Variants in CX3CR1 observed in about 807,000 individuals in gnomAD.
CX3CR1 encodes the protein CX3C chemokine receptor 1.
For synonymous variants in CX3CR1, 168 were observed against 178.5 expected (o/e 0.94, Z 0.47); for missense variants, 363 against 432.4 (o/e 0.84, Z 1.42).
At chr3:39,273,303 T>C (rs2040801813) in intron 1 of CX3CR1, among the ~76,000 whole-genome samples, 1 of 152,196 alleles carries the variant, frequency 6.6e-6, no homozygotes, top group African/African-American at 2.4e-5. Flanking sequence ...TATTTGCTCC[T>C]CTAGCCACCA....
chr3:39,280,483 C>T, upstream of CX3CR1: 2 of 983,202 alleles, frequency 2.0e-6, no homozygotes, highest in Admixed American at 6.1e-5. Context: ...GCACCTCAAG[C>T]CCTGCCCTAT....
At position 39,280,005 on chromosome 3, in the gene CX3CR1, C is replaced by T. The variant is rs892510915; in HGVS notation, c.-61G>A. The T allele has an allele frequency of 1.9e-5, 19 of 985,450 alleles. No homozygotes were observed. In the African/African-American group the frequency reaches 3.1e-4, roughly 16 times the overall value. The allele number at this position is 985,450 out of a possible 1,614,324, so 61.0% of individuals were successfully genotyped here. On this transcript the variant is annotated 5_prime_UTR_variant, in exon 1 of 2. Transcript: ENST00000399220. ...TGGATCTGCCAGTCAGCCACCCTGT[C>T]CTGCTCAGACTTTACCAGAGACGAG...
At chr3:39,289,758 A>G in the CX3CR1 span, among the ~76,000 whole-genome samples, 1 of 152,166 alleles carries the variant, frequency 6.6e-6, no homozygotes, top group African/African-American at 2.4e-5. Flanking sequence ...AGGTTATAAG[A>G]GTGGGACCCT....
At chr3:39,276,077 G>T (rs1342229744) in intron 1 of CX3CR1, among the ~76,000 whole-genome samples, 3 of 152,190 alleles carry the variant, frequency 2.0e-5, no homozygotes, top group Non-Finnish European at 4.4e-5. Context: ...TGGGGCCAAG[G>T]CCAGGCAGAG....
intron 1 of CX3CR1, among the ~76,000 whole-genome samples, chr3:39,272,261 A>C (rs2040786595): frequency 1.3e-5 from 2 of 152,230 alleles, no homozygotes; most frequent in East Asian, 3.8e-4. Flanking sequence ...CTATTCAGTT[A>C]AGCCAAGGTT....
rs201179424 is a variant in CX3CR1, at chr3:39,265,634, G to C, written c.876C>G (p.Ile292Met). ...AFSHCCLNPL[I>M]YAFAGEKFRR... ...TGAACTTCTCCCCAGCAAATGCATA[G>C]ATGAGAGGATTCAGGCAACAATGGC... The change falls in exon 2 of 2, where the codon ATC (isoleucine) becomes ATG (methionine). Residue 292 changes from isoleucine (I) to methionine (M), a missense_variant. Physicochemically the swap from Ile to Met is conservative, Grantham distance 10 (BLOSUM62 1). Transcript: ENST00000399220. 699 of 1,614,090 alleles carry C rather than the reference G, an allele frequency of 4.3e-4. No homozygotes were observed. The highest frequency in any genetic ancestry group is 5.7e-4 in the Non-Finnish European group (671 of 1,180,044).
chr3:39,288,936 G>A, the CX3CR1 span, among the ~76,000 whole-genome samples: 1 of 152,082 alleles, frequency 6.6e-6, no homozygotes, highest in Non-Finnish European at 1.5e-5. Flanking sequence ...AGGTCGAGGC[G>A]GGCGGATCAC....
At chr3:39,292,433 T>A in the CX3CR1 span, among the ~76,000 whole-genome samples, 14 of 152,328 alleles carry the variant, frequency 9.2e-5, no homozygotes, top group Middle Eastern at 3.4e-3. Context: ...AAGGGCCTCC[T>A]GGTTTTACAA....
intron 1 of CX3CR1, among the ~76,000 whole-genome samples, chr3:39,269,964 T>C (rs1195248679): frequency 6.6e-6 from 1 of 152,250 alleles, no homozygotes; most frequent in African/African-American, 2.4e-5. Flanking sequence ...TTGATCTTCA[T>C]GTTCACATTT....
the CX3CR1 span, among the ~76,000 whole-genome samples, chr3:39,288,598 G>A: frequency 2.0e-5 from 3 of 152,228 alleles, no homozygotes; most frequent in Non-Finnish European, 4.4e-5. Context: ...CACCTGGTGG[G>A]CAGCCCTTTG....
chr3:39,283,084 G>A (rs1418601337), upstream of CX3CR1, among the ~76,000 whole-genome samples: 1 of 152,156 alleles, frequency 6.6e-6, no homozygotes, highest in East Asian at 1.9e-4. Context: ...TAGAGACAGA[G>A]TTTCGCCATG....
At chr3:39,275,309 G>T (rs1172097888) in intron 1 of CX3CR1, among the ~76,000 whole-genome samples, 1 of 152,222 alleles carries the variant, frequency 6.6e-6, no homozygotes, top group Non-Finnish European at 1.5e-5. Context: ...ACCTAAGGGA[G>T]ATAGTGCTTC....
Position 39,265,799 on chromosome 3 carries a change from G to T in CX3CR1, c.711C>A (p.Val237=). The T allele has an allele frequency of 6.2e-7, 1 of 1,614,076 alleles. No individual in the cohort carries two copies. The highest frequency in any genetic ancestry group is 8.5e-7 in the Non-Finnish European group (1 of 1,179,956). ...AKAIKLILLV[V]IVFFLFWTPY... is the part of the protein sequence containing the mutation. ...GTGTCCAGAAGAGGAAAAACACGAT[G>T]ACCACCAGAAGGATCAGTTTAATGG... is the stretch of plus-strand genomic sequence containing the variant. The change falls in exon 2 of 2, where the codon GTC becomes GTA. Residue 237 remains valine, a synonymous_variant. Coordinates refer to ENST00000399220, the MANE Select transcript of CX3CR1 (RefSeq NM_001337.4).
chr3:39,287,608 C>T, the CX3CR1 span: 2 of 152,174 alleles, frequency 1.3e-5, no homozygotes, highest in Non-Finnish European at 2.9e-5. Context: ...TTGGAATATC[C>T]TTGAAACTGA....
At position 39,266,259 on chromosome 3, in the gene CX3CR1, A is replaced by AG; in HGVS notation, c.250_251insC (p.Leu84SerfsTer11). On this transcript the variant is annotated frameshift_variant, in exon 2 of 2. Coordinates refer to ENST00000399220, the MANE Select transcript of CX3CR1 (RefSeq NM_001337.4). LOFTEE classifies it low-confidence loss of function (END_TRUNC). ...TATCAAATAGTGAGTCCAGAAGGGC[A>AG]AAGTGGCTACAAACAGCAGATCAGA... 1 of 1,614,252 alleles carries AG rather than the reference A, an allele frequency of 6.2e-7. No individual in the cohort carries two copies. The highest frequency in any genetic ancestry group is 8.5e-7 in the Non-Finnish European group (1 of 1,180,044).
Position 39,266,495 on chromosome 3 carries a change from A to C in CX3CR1, c.15T>G (p.Pro5=), listed in dbSNP as rs774022726. The C allele has an allele frequency of 5.6e-6, 9 of 1,613,898 alleles. No homozygotes were observed. In the South Asian group the frequency reaches 8.8e-5, roughly 16 times the overall value. Residue 5 remains proline (P), a synonymous_variant, in exon 2 of 2, where the codon CCT becomes CCG. Coordinates refer to ENST00000399220, the MANE Select transcript of CX3CR1 (RefSeq NM_001337.4). ...ACTCAAAGTTTTCTGTCACTGATTC[A>C]GGGAACTGATCCATGGTGAAGGCCT... MDQF[P]ESVTENFEYD... is the part of the protein sequence containing the mutation.
At chr3:39,291,650 T>C in the CX3CR1 span, among the ~76,000 whole-genome samples, 2 of 152,226 alleles carry the variant, frequency 1.3e-5, no homozygotes, top group African/African-American at 2.4e-5. Context: ...AAAGGACAGT[T>C]ATGAAACACA....
rs2040698256 is a variant in CX3CR1, at chr3:39,266,255, G to A, written c.255C>T (p.Pro85=). The A allele has an allele frequency of 6.2e-7, 1 of 1,614,212 alleles. No homozygotes were observed. Among genetic ancestry groups the A allele is most frequent in the East Asian group, 2.2e-5 (1 of 44,890 alleles). The part of the protein sequence containing the change: ...LSDLLFVATL[P]FWTHYLINEK... ...CATTTATCAAATAGTGAGTCCAGAA[G>A]GGCAAAGTGGCTACAAACAGCAGAT... The change falls in exon 2 of 2, where the codon CCC becomes CCT. Residue 85 remains proline (P), a synonymous_variant. Coordinates refer to ENST00000399220, the MANE Select transcript of CX3CR1 (RefSeq NM_001337.4).
chr3:39,266,694 A>G (rs2040705946), intron 1 of CX3CR1, 176 bp from the exon 2 acceptor site: 3 of 771,876 alleles, frequency 3.9e-6, no homozygotes, highest in Non-Finnish European at 7.1e-6. Flanking sequence ...CTTGTGATGA[A>G]GACTGCAACA....
Sources: gnomAD v4.1 joint callset for allele counts (sites outside exome capture counted in the v4.1 genomes callset) on GRCh38, gnomAD v4.1.1 for gene constraint, MANE v1.5 for transcripts, NCBI Gene and HGNC (gene_info 2026-07-23, HGNC 2026-07-21) for gene names.